Variants in SYNPR observed in about 807,000 individuals in gnomAD.
SYNPR encodes synaptoporin.
Under a neutral mutation model 32.9 loss-of-function variants are expected in SYNPR, and 23 were observed. The observed-to-expected ratio is 0.70, with a 90% CI of 0.50 to 0.99. The LOEUF (loss-of-function observed/expected upper bound fraction) is 0.99. Among genes scored for constraint, SYNPR ranks in the 50% least tolerant of loss-of-function variants. The pLI is 0.00. For synonymous variants in SYNPR, 146 were observed against 135.9 expected, an observed-to-expected ratio of 1.07 and a Z score of -0.52; for missense variants, 318 against 349.3, an observed-to-expected ratio of 0.91 and a Z score of 0.71.
At chr3:63,507,632 G>C (rs185930343) in intron 3 of SYNPR, among the ~76,000 whole-genome samples, 138 of 152,218 alleles carry the variant, frequency 9.1e-4, no homozygotes, top group Non-Finnish European at 7.9e-4. Context: ...TTCTGGAATG[G>C]AGAAAGGACA....
At chr3:63,253,510 G>T (rs958830000) in intron 2 of SYNPR, among the ~76,000 whole-genome samples, 35 of 152,094 alleles carry the variant, frequency 2.3e-4, no homozygotes, top group African/African-American at 7.2e-4. Flanking sequence ...TCTATATATT[G>T]TATTTGTTTA....
At chr3:63,399,202 C>T (rs1334682845) in intron 2 of SYNPR, among the ~76,000 whole-genome samples, 2 of 152,164 alleles carry the variant, frequency 1.3e-5, no homozygotes, top group Admixed American at 6.5e-5. Context: ...CTGATTAGAT[C>T]AGTTTTAGTC....
chr3:63,335,284 C>T (rs953414301), intron 2 of SYNPR, among the ~76,000 whole-genome samples: 4 of 138,710 alleles, frequency 2.9e-5, no homozygotes, highest in Non-Finnish European at 4.5e-5. Context: ...ACCCGGGAGG[C>T]GGAGCTTGCA....
intron 3 of SYNPR, 93 bp from the exon 4 acceptor site, chr3:63,556,450 A>G: frequency 8.8e-7 from 1 of 1,136,680 alleles, no homozygotes; most frequent in Non-Finnish European, 1.2e-6. Context: ...CTCCCAGATC[A>G]CATCCCATTT....
chr3:63,455,822 GC>G (rs1700472535), intron 2 of SYNPR, among the ~76,000 whole-genome samples: 1 of 150,072 alleles, frequency 6.7e-6, no homozygotes, highest in African/African-American at 2.5e-5. Flanking sequence ...AATGTCAACT[GC>G]TTTATCCTGT....
intron 3 of SYNPR, among the ~76,000 whole-genome samples, chr3:63,511,729 A>G (rs1049852516): frequency 1.3e-5 from 2 of 152,138 alleles, no homozygotes; most frequent in Non-Finnish European, 1.5e-5. Context: ...GAAGAAACTT[A>G]TAATTATTGG....
At chr3:63,507,061 C>T (rs931651378) in intron 3 of SYNPR, among the ~76,000 whole-genome samples, 1 of 151,874 alleles carries the variant, frequency 6.6e-6, no homozygotes, top group Non-Finnish European at 1.5e-5. Context: ...GTGGGAGAAT[C>T]ACTTGAACCT....
In SYNPR at chr3:63,270,509, T is replaced by C. The variant is rs76824307; in HGVS notation, n.287+3060T>C. Among the ~76,000 whole-genome samples, 7 of 152,326 alleles carry C rather than the reference T, an allele frequency of 4.6e-5. 1 individual carries two copies. Among genetic ancestry groups the C allele is most frequent in the African/African-American group, 9.6e-5 (4 of 41,576 alleles). Reference sequence around the variant, plus strand: ...ATTTAATTAGGCAGTTGGGACTGACTGGTAGCTAAATAAAAGCCTCATCAA... The same window carrying C: ...ATTTAATTAGGCAGTTGGGACTGACCGGTAGCTAAATAAAAGCCTCATCAA... On this transcript the variant is annotated intron_variant and non_coding_transcript_variant, in intron 3 of 4. Coordinates refer to the SYNPR transcript ENST00000478456.
rs1700422706 is a variant in SYNPR, at chr3:63,453,571, A to G, written c.85-27261A>G. 2.0e-5 allele frequency among the ~76,000 whole-genome samples: 3 copies of G among 152,192 alleles called. No individual in the cohort carries two copies. In the South Asian group the frequency reaches 6.2e-4, roughly 31 times the overall value. ...GGTGTTTATCTGGGATAAGGATGCA[A>G]TAAAGTCATTATCAGACAAACATTA... On this transcript the variant is annotated intron_variant, in intron 2 of 5. Coordinates refer to ENST00000478300, the MANE Select transcript of SYNPR (RefSeq NM_001130003.2).
At chr3:63,408,200 GGA>G (rs367590258) in intron 2 of SYNPR, among the ~76,000 whole-genome samples, 450 of 43,524 alleles carry the variant, frequency 0.01, 44 homozygotes, top group Middle Eastern at 0.037. Context: ...GAAAGAGGAA[GGA>G]AGGAAGGAAG....
Position 63,233,377 on chromosome 3 carries a change from TC to T in SYNPR, n.66+4998del, listed in dbSNP as rs139841693. On this transcript the variant is annotated intron_variant and non_coding_transcript_variant, in intron 1 of 4. Coordinates refer to the SYNPR transcript ENST00000478456. ...GTGGACAGTAAATTTTCTAATTGTT[TC>T]TTGTCAACTTCAAGATAAGGATCAT... Among the ~76,000 whole-genome samples, 1,317 of 152,338 alleles carry T rather than the reference TC, an allele frequency of 8.6e-3. 13 individuals are homozygous for T. The highest frequency in any genetic ancestry group is 0.053 in the East Asian group (276 of 5,186).
intron 2 of SYNPR, among the ~76,000 whole-genome samples, chr3:63,415,730 G>A (rs184923486): frequency 6.6e-6 from 1 of 152,354 alleles, no homozygotes; most frequent in Admixed American, 6.5e-5. Flanking sequence ...AATTAAGTCT[G>A]TGTTCTGCAA....
chr3:63,264,027 T>G (rs913595034), intron 2 of SYNPR, among the ~76,000 whole-genome samples: 1 of 152,158 alleles, frequency 6.6e-6, no homozygotes, highest in Non-Finnish European at 1.5e-5. Flanking sequence ...GACTAAGTAA[T>G]TTACCCAAAG....
chr3:63,468,394 G>C (rs1389098742), intron 2 of SYNPR, among the ~76,000 whole-genome samples: 1 of 151,726 alleles, frequency 6.6e-6, no homozygotes, highest in African/African-American at 2.4e-5. Context: ...AATGATTCTG[G>C]GTTGCTACCT....
At chr3:63,218,019 G>A in the SYNPR span, among the ~76,000 whole-genome samples, 11 of 152,104 alleles carry the variant, frequency 7.2e-5, no homozygotes, top group African/African-American at 2.7e-4. Context: ...GGGGTTGATT[G>A]TTCTTCCACA....
intron 2 of SYNPR, among the ~76,000 whole-genome samples, chr3:63,408,485 T>C (rs2088419121): frequency 6.6e-6 from 1 of 152,110 alleles, no homozygotes; most frequent in African/African-American, 2.4e-5. Context: ...AAGCTGGTAG[T>C]ATGTCTCAAT....
chr3:63,321,518 AAG>A, intron 2 of SYNPR, among the ~76,000 whole-genome samples: 1 of 152,212 alleles, frequency 6.6e-6, no homozygotes, highest in East Asian at 1.9e-4. Flanking sequence ...AATTAATTTT[AAG>A]CCCCTGAATA....
At chr3:63,553,150 C>G (rs1230955522) in intron 3 of SYNPR, among the ~76,000 whole-genome samples, 1 of 152,094 alleles carries the variant, frequency 6.6e-6, no homozygotes, top group Non-Finnish European at 1.5e-5. Flanking sequence ...TCTGTGTGTG[C>G]TTCATGTTTA....
intron 1 of SYNPR, among the ~76,000 whole-genome samples, chr3:63,248,612 T>C (rs2086308601): frequency 1.3e-5 from 2 of 152,190 alleles, no homozygotes; most frequent in South Asian, 4.1e-4. Context: ...CTGAAGTTTA[T>C]ATGTGTGTTC....
Sources: allele counts gnomAD v4.1 joint callset (sites outside exome capture counted in the v4.1 genomes callset), GRCh38; gene constraint gnomAD v4.1.1; transcripts MANE v1.5; gene names NCBI Gene and HGNC (gene_info 2026-07-23, HGNC 2026-07-21).